Variants in NNT observed in about 807,000 individuals in gnomAD.
The protein encoded by NNT is nicotinamide nucleotide transhydrogenase, also known as NAD(P) transhydrogenase, mitochondrial.
A neutral mutation model predicts 104.8 loss-of-function variants in NNT; 50 were observed. That is an observed-to-expected ratio of 0.48 (90% CI 0.38 to 0.60). The LOEUF is 0.60. Ranked by LOEUF, NNT falls within the 20% of genes least tolerant of loss-of-function variation. The pLI, the probability that NNT is intolerant of heterozygous loss-of-function variation, is 0.00. For missense variants in NNT, 1,131 were observed against 1,330.7 expected (o/e 0.85, Z 2.33); for synonymous variants, 461 against 490.4 (o/e 0.94, Z 0.79).
chr5:43,656,299 A>G (rs1339379465), intron 15 of NNT, among the ~76,000 whole-genome samples: 5 of 152,172 alleles, frequency 3.3e-5, no homozygotes, highest in Admixed American at 2.6e-4. Flanking sequence ...ATAAAATATT[A>G]CTACTAATAA....
Position 43,655,856 on chromosome 5 carries a change from A to G in NNT, c.2076A>G (p.Lys692=), listed in dbSNP as rs1329292851. 1.9e-6 allele frequency: 3 copies of G among 1,614,014 alleles called. No individual in the cohort carries two copies. The highest frequency in any genetic ancestry group is 2.5e-6 in the Non-Finnish European group (3 of 1,179,954). ...TCATAACAGGATTGACAATTGCCAA[A>G]CGCATCCAGATTTCTGATTTACCTC... is the stretch of plus-strand genomic sequence containing the variant. ...LGGTIGLTIA[K]RIQISDLPQL... Residue 692 remains lysine, a synonymous_variant, in exon 15 of 22, where the codon AAA becomes AAG. Transcript: ENST00000344920.
chr5:43,632,985 C>A (rs1750755811), intron 7 of NNT, among the ~76,000 whole-genome samples: 1 of 152,198 alleles, frequency 6.6e-6, no homozygotes, highest in African/African-American at 2.4e-5. Flanking sequence ...GTGTCTTGGG[C>A]AAATTTCACC....
Position 43,673,377 on chromosome 5 carries a change from A to T in NNT, c.2635-2134A>T, listed in dbSNP as rs564903865. 3.7e-4 allele frequency among the ~76,000 whole-genome samples: 57 copies of T among 152,226 alleles called. 1 individual carries two copies. Among genetic ancestry groups the T allele is most frequent in the African/African-American group, 1.3e-3 (55 of 41,558 alleles). On this transcript the variant is annotated intron_variant, in intron 17 of 21. Transcript: ENST00000344920. ...AAATCACCCGTCTTCTGCGTCTCTCATGCTGGTAGCTGTAGACTGGAGCTC... is the reference window on the plus strand; with the variant it reads ...AAATCACCCGTCTTCTGCGTCTCTCTTGCTGGTAGCTGTAGACTGGAGCTC...
At chr5:43,633,892 AGTCTGC>A (rs147009739) in intron 7 of NNT, among the ~76,000 whole-genome samples, 2,588 of 152,298 alleles carry the variant, frequency 0.017, 71 homozygotes, top group African/African-American at 0.059. Flanking sequence ...ACACATGCCC[AGTCTGC>A]AGTTTGAGGT....
At chr5:43,605,586 G>C (rs555839688) in intron 1 of NNT, among the ~76,000 whole-genome samples, 2 of 126,016 alleles carry the variant, frequency 1.6e-5, no homozygotes, top group South Asian at 5.4e-4. Context: ...GAGTTATAAA[G>C]TTTTTTTCTT....
chr5:43,638,949 G>C lies in NNT; in HGVS notation c.965-5243G>C, dbSNP rs146620002. ...TTAAGATAGAATCTGGGAATTTATT[G>C]ATTTCAGATGATCATGTTAGGCCTG... On this transcript the variant is annotated intron_variant, in intron 7 of 21. Coordinates refer to ENST00000344920, the MANE Select transcript of NNT (RefSeq NM_182977.3). 3.5e-3 allele frequency among the ~76,000 whole-genome samples: 531 copies of C among 152,014 alleles called. 2 individuals are homozygous for C. The highest frequency in any genetic ancestry group is 0.012 in the African/African-American group (505 of 41,516).
chr5:43,664,137 T>C (rs1010091447), intron 17 of NNT, among the ~76,000 whole-genome samples: 20 of 152,216 alleles, frequency 1.3e-4, no homozygotes, highest in African/African-American at 4.8e-4. Flanking sequence ...AGTGCTATGG[T>C]TACACAATAC....
intron 8 of NNT, 32 bp from the exon 9 acceptor site, chr5:43,644,579 A>G (rs1414352763): frequency 1.3e-6 from 2 of 1,558,578 alleles, no homozygotes; most frequent in Non-Finnish European, 8.7e-7. Context: ...ATAGGGTGAT[A>G]GACCTTTTTG....
intron 19 of NNT, among the ~76,000 whole-genome samples, chr5:43,683,942 A>G (rs780950486): frequency 6.6e-6 from 1 of 152,152 alleles, no homozygotes; most frequent in Non-Finnish European, 1.5e-5. Flanking sequence ...TTTGGGCACA[A>G]TCTATAATTA....
At chr5:43,655,719 G>A (rs1469436) in intron 14 of NNT, 121 bp from the exon 15 acceptor site, 32,588 of 712,910 alleles carry the variant, frequency 0.046, 1,024 homozygotes, top group East Asian at 0.11. Flanking sequence ...TATTTAGCCC[G>A]TACTAGGAAC....
intron 19 of NNT, among the ~76,000 whole-genome samples, chr5:43,695,630 GT>G (rs1281713208): frequency 1.3e-5 from 2 of 152,138 alleles, no homozygotes; most frequent in Non-Finnish European, 2.9e-5. Context: ...GACTGAGGAT[GT>G]TTTGCTTAGG....
chr5:43,668,774 G>C (rs1740865807), intron 17 of NNT, among the ~76,000 whole-genome samples: 1 of 152,110 alleles, frequency 6.6e-6, no homozygotes, highest in Non-Finnish European at 1.5e-5. Context: ...CTCTTTTTTG[G>C]TTCCATATGA....
At chr5:43,676,008 A>G (rs1741397147) in intron 18 of NNT, among the ~76,000 whole-genome samples, 1 of 152,160 alleles carries the variant, frequency 6.6e-6, no homozygotes, top group Admixed American at 6.5e-5. Context: ...ATAGTATATG[A>G]AAGTCTTTAG....
chr5:43,693,762 A>G (rs1278661460), intron 19 of NNT, among the ~76,000 whole-genome samples: 1 of 152,222 alleles, frequency 6.6e-6, no homozygotes, highest in Non-Finnish European at 1.5e-5. Context: ...AAAGTGATAG[A>G]ATAATTCATG....
chr5:43,699,881 T>G (rs1034180689), intron 19 of NNT, among the ~76,000 whole-genome samples: 14 of 152,172 alleles, frequency 9.2e-5, no homozygotes, highest in African/African-American at 3.4e-4. Flanking sequence ...AAGTTAAGCT[T>G]TTATTTTTCT....
intron 7 of NNT, among the ~76,000 whole-genome samples, chr5:43,637,777 A>G (rs895541932): frequency 6.6e-6 from 1 of 152,116 alleles, no homozygotes; most frequent in African/African-American, 2.4e-5. Context: ...TCCCTCATTT[A>G]TATTAACCTT....
At chr5:43,613,993 T>G (rs1749644510) in intron 3 of NNT, among the ~76,000 whole-genome samples, 2 of 152,222 alleles carry the variant, frequency 1.3e-5, no homozygotes, top group Admixed American at 1.3e-4. Context: ...CTATTGAAAG[T>G]TAATAGTAAA....
intron 11 of NNT, 22 bp downstream of exon 11, chr5:43,649,330 C>A (rs934628559): frequency 1.9e-6 from 3 of 1,613,270 alleles, no homozygotes; most frequent in Non-Finnish European, 2.5e-6. Context: ...TCTTGTTTTT[C>A]CTCATCTCAG....
intron 17 of NNT, among the ~76,000 whole-genome samples, chr5:43,675,125 T>C (rs530737314): frequency 6.6e-6 from 1 of 152,334 alleles, no homozygotes; most frequent in South Asian, 2.1e-4. Context: ...ACAGCTGGTA[T>C]CTGTGAAGAT....
Sources: allele counts gnomAD v4.1 joint callset (sites outside exome capture counted in the v4.1 genomes callset), GRCh38; gene constraint gnomAD v4.1.1; transcripts MANE v1.5; gene names NCBI Gene and HGNC (gene_info 2026-07-23, HGNC 2026-07-21).